Variants in EPB41 observed in about 807,000 individuals in gnomAD.
EPB41 encodes protein 4.1.
EPB41 carries 65 observed loss-of-function variants against 108.0 expected under a neutral mutation model. The ratio of observed to expected loss-of-function variants is 0.60; its 90% CI spans 0.49 to 0.74. EPB41 has a LOEUF of 0.74. Among genes scored for constraint, EPB41 ranks in the 30% least tolerant of loss-of-function variants. EPB41 has a pLI of 0.00. For missense variants in EPB41, 875 were observed against 1,037.0 expected (o/e 0.84, Z 2.15); for synonymous variants, 336 against 358.9 (o/e 0.94, Z 0.72).
chr1:29,012,044 C>CCAGGAGAAGGCTTTA, intron 5 of EPB41, 137 bp downstream of exon 5: 1 of 879,608 alleles, frequency 1.1e-6, no homozygotes, highest in Non-Finnish European at 1.8e-6. Context: ...ATAAAGCCTT[C>CCAGGAGAAGGCTTTA]TCCTGGAAGG....
At chr1:29,102,450 C>T (rs971779281) in intron 17 of EPB41, among the ~76,000 whole-genome samples, 1 of 152,042 alleles carries the variant, frequency 6.6e-6, no homozygotes, top group Non-Finnish European at 1.5e-5. Context: ...ACAACCAAAA[C>T]GTATAGTGGC....
At chr1:29,090,315 T>C (rs1037401905) in intron 16 of EPB41, among the ~76,000 whole-genome samples, 3 of 152,048 alleles carry the variant, frequency 2.0e-5, no homozygotes, top group Non-Finnish European at 4.4e-5. Context: ...AAAGTAGATA[T>C]TAAAATGGAA....
chr1:29,112,162 T>TTTTG (rs752258536), intron 18 of EPB41, among the ~76,000 whole-genome samples: 1 of 152,004 alleles, frequency 6.6e-6, no homozygotes, highest in African/African-American at 2.4e-5. Context: ...ATTTTTCTTT[T>TTTTG]TTTGTTTGTT....
intron 7 of EPB41, among the ~76,000 whole-genome samples, chr1:29,023,063 C>T (rs950419992): frequency 4.6e-5 from 7 of 151,350 alleles, no homozygotes; most frequent in Non-Finnish European, 8.8e-5. Context: ...AGTGTGATCT[C>T]GGCTCACTGC....
chr1:28,907,711 C>T (rs951979371), intron 1 of EPB41, among the ~76,000 whole-genome samples: 1 of 152,122 alleles, frequency 6.6e-6, no homozygotes, highest in Admixed American at 6.5e-5. Context: ...CTCCCAGGCT[C>T]CAGTGATCCT....
chr1:29,035,287 T>C (rs997728759), intron 9 of EPB41, among the ~76,000 whole-genome samples: 2 of 152,174 alleles, frequency 1.3e-5, no homozygotes, highest in African/African-American at 4.8e-5. Flanking sequence ...CTGGCAGGTA[T>C]ACATATTTCA....
chr1:29,075,399 A>G (rs1653581844), intron 16 of EPB41, among the ~76,000 whole-genome samples: 1 of 151,566 alleles, frequency 6.6e-6, no homozygotes, highest in African/African-American at 2.4e-5. Flanking sequence ...AATCGCTTGA[A>G]CCCAGGAGGT....
chr1:28,942,804 C>A (rs983862279), intron 1 of EPB41, among the ~76,000 whole-genome samples: 5 of 152,144 alleles, frequency 3.3e-5, no homozygotes, highest in African/African-American at 1.2e-4. Context: ...CAACCAGCCC[C>A]CATCCTAAGG....
At chr1:29,022,575 G>A (rs538177185) in intron 7 of EPB41, among the ~76,000 whole-genome samples, 1 of 150,894 alleles carries the variant, frequency 6.6e-6, no homozygotes, top group African/African-American at 2.5e-5. Flanking sequence ...ACAAAAATTA[G>A]CCAGGCATGG....
Position 29,018,198 on chromosome 1 carries a change from A to C in EPB41, c.906-26A>C. On this transcript the variant is annotated intron_variant, in intron 6 of 20. Transcript: ENST00000343067. This position sits in a 1 kb window ranked among gnomAD's most constrained non-coding sequence, Gnocchi z 4.4. ...ATATTTTGTTGTTGTTGTTGCTGACATAACATTTTTCTCTTTTGGCTGTAG... is the reference window on the plus strand; with the variant it reads ...ATATTTTGTTGTTGTTGTTGCTGACCTAACATTTTTCTCTTTTGGCTGTAG... 6.2e-7 allele frequency: 1 copy of C among 1,604,470 alleles called. No homozygotes were observed. Among genetic ancestry groups the C allele is most frequent in the Non-Finnish European group, 8.5e-7 (1 of 1,172,002 alleles).
At chr1:28,962,267 G>C (rs1471700881) in intron 1 of EPB41, among the ~76,000 whole-genome samples, 1 of 151,950 alleles carries the variant, frequency 6.6e-6, no homozygotes, top group African/African-American at 2.4e-5. Context: ...CACCACGTTG[G>C]CCAGGCTGAT....
chr1:29,103,510 AAGTTATTG>A (rs1397085771), intron 17 of EPB41, among the ~76,000 whole-genome samples: 1 of 152,192 alleles, frequency 6.6e-6, no homozygotes, highest in Non-Finnish European at 1.5e-5. Flanking sequence ...TACTGTGATC[AAGTTATTG>A]AAATAAGCAC....
At position 29,109,404 on chromosome 1, in the gene EPB41, C is replaced by A. The variant is rs375696018; in HGVS notation, c.2382C>A (p.Thr794=). 3 of 1,614,074 alleles carry A rather than the reference C, an allele frequency of 1.9e-6. No individual in the cohort carries two copies. Among genetic ancestry groups the A allele is most frequent in the African/African-American group, 1.3e-5 (1 of 75,016 alleles). ...LLTAQTITSE[T]PSSTTTTQIT... is the part of the protein sequence containing the mutation. ...CAGCTCAAACTATCACATCTGAGAC[C>A]CCAAGCAGCACCACCACAACTCAAA... is the stretch of plus-strand genomic sequence containing the variant. Residue 794 remains threonine, a synonymous_variant, in exon 18 of 21, where the codon ACC becomes ACA. Coordinates refer to ENST00000343067, the MANE Select transcript of EPB41 (RefSeq NM_001376013.1).
intron 3 of EPB41, among the ~76,000 whole-genome samples, chr1:28,995,028 T>C (rs2096134236): frequency 6.7e-6 from 1 of 149,030 alleles, no homozygotes; most frequent in Admixed American, 6.8e-5. Context: ...TAAAATATTA[T>C]GCTATATTTA....
chr1:29,070,684 A>G, intron 16 of EPB41: 1 of 1,231,328 alleles, frequency 8.1e-7, no homozygotes, highest in East Asian at 3.2e-5. Context: ...CAACTGTGTT[A>G]TTGCTGTATG....
At chr1:28,904,366 T>C (rs2091589877) in intron 1 of EPB41, among the ~76,000 whole-genome samples, 1 of 152,042 alleles carries the variant, frequency 6.6e-6, no homozygotes, top group South Asian at 2.1e-4. Flanking sequence ...GAGGATTCTT[T>C]CTGGTTGGTT....
At chr1:29,011,799 G>T (rs1313914174) in intron 4 of EPB41, 66 bp from the exon 5 acceptor site, 4 of 1,556,232 alleles carry the variant, frequency 2.6e-6, no homozygotes, top group Non-Finnish European at 3.5e-6. Context: ...CAGTGATCTT[G>T]CTTCCAGTAC....
chr1:28,929,360 G>C (rs571963429), intron 1 of EPB41, among the ~76,000 whole-genome samples: 2 of 151,302 alleles, frequency 1.3e-5, no homozygotes, highest in Non-Finnish European at 2.9e-5. Flanking sequence ...CAAGTAGCTG[G>C]AACTACGGGT....
In EPB41 at chr1:28,954,295, C is replaced by T. The variant is rs1207502397; in HGVS notation, c.-7-33136C>T. On this transcript the variant is annotated intron_variant, in intron 1 of 20. Coordinates refer to ENST00000343067, the MANE Select transcript of EPB41 (RefSeq NM_001376013.1). The stretch of plus-strand genomic sequence containing the variant: ...TAGAGGGCAAAGTAAAAGAAAAGTG[C>T]TAAATAACAAAGAGCTATTGGCACC... Among the ~76,000 whole-genome samples, 5 of 152,114 alleles carry T rather than the reference C, an allele frequency of 3.3e-5. No individual in the cohort carries two copies. The East Asian group carries it at 9.6e-4, about 29-fold the overall frequency.
Sources: gnomAD v4.1 joint callset for allele counts (sites outside exome capture counted in the v4.1 genomes callset) on GRCh38, gnomAD v4.1.1 for gene constraint, Gnocchi (gnomAD v3.1) non-coding constraint, MANE v1.5 for transcripts, NCBI Gene and HGNC (gene_info 2026-07-23, HGNC 2026-07-21) for gene names.